Variants in WWOX observed in about 807,000 individuals in gnomAD.
WWOX encodes WW domain-containing oxidoreductase.
WWOX carries 69 observed loss-of-function variants against 46.2 expected under a neutral mutation model. That is an observed-to-expected ratio of 1.49 (90% confidence interval 1.23 to 1.82). The LOEUF is 1.82. WWOX is among the 40% of genes most tolerant of loss of function. The probability of loss-of-function intolerance (pLI) is 0.00; values close to 1 mark genes in which losing one functional copy is unlikely to be tolerated. For synonymous variants in WWOX, 359 were observed against 202.6 expected (o/e 1.77, Z -6.56); for missense variants, 919 against 542.6 (o/e 1.69, Z -6.89).
chr16:78,597,207 AGGAGCTGTTGG>A (rs1160955283), intron 8 of WWOX, among the ~76,000 whole-genome samples: 1 of 152,212 alleles, frequency 6.6e-6, no homozygotes, highest in African/African-American at 2.4e-5. Context: ...CAAAGTCCCC[AGGAGCTGTTGG>A]GAAGTCCATA....
chr16:79,090,177 C>G (rs909554637), intron 8 of WWOX: 1 of 151,908 alleles, frequency 6.6e-6, no homozygotes. Context: ...TACTGGAAGG[C>G]CCATAAAAAG....
intron 8 of WWOX, among the ~76,000 whole-genome samples, chr16:78,735,772 C>T (rs1002638373): frequency 6.6e-6 from 1 of 151,968 alleles, no homozygotes; most frequent in African/African-American, 2.4e-5. Context: ...TGACTGAAGG[C>T]CCCTGCCCCC....
chr16:78,716,270 C>T (rs1273368167), intron 8 of WWOX, among the ~76,000 whole-genome samples: 2 of 152,034 alleles, frequency 1.3e-5, no homozygotes, highest in Admixed American at 6.6e-5. Context: ...CTGGGACTGC[C>T]AGAAGCTCCT....
chr16:78,439,943 G>A (rs1477077888), intron 8 of WWOX, among the ~76,000 whole-genome samples: 3 of 152,188 alleles, frequency 2.0e-5, no homozygotes, highest in Non-Finnish European at 4.4e-5. Flanking sequence ...CCTTTATCAA[G>A]AGACAGAGCA....
At chr16:78,132,937 G>A (rs1295892681) in intron 4 of WWOX, among the ~76,000 whole-genome samples, 1 of 152,182 alleles carries the variant, frequency 6.6e-6, no homozygotes, top group African/African-American at 2.4e-5. Flanking sequence ...ACATGAAGTA[G>A]AGAATCGTCA....
intron 8 of WWOX, among the ~76,000 whole-genome samples, chr16:78,728,764 G>C (rs759328027): frequency 2.6e-5 from 4 of 152,144 alleles, no homozygotes; most frequent in Admixed American, 2.6e-4. Context: ...TCCTTGTAAA[G>C]AGAGTTAAGT....
intron 8 of WWOX, among the ~76,000 whole-genome samples, chr16:79,185,089 A>C (rs1286484864): frequency 1.3e-5 from 2 of 152,164 alleles, no homozygotes; most frequent in Non-Finnish European, 2.9e-5. Flanking sequence ...GATAAGAAAA[A>C]CTGTGGATGA....
chr16:78,952,537 C>T (rs1033122107), intron 8 of WWOX, among the ~76,000 whole-genome samples: 3 of 152,024 alleles, frequency 2.0e-5, no homozygotes, highest in African/African-American at 4.8e-5. Flanking sequence ...CATGTACCAG[C>T]ACACCTGGCT....
chr16:78,476,731 C>T (rs995410560), intron 8 of WWOX, among the ~76,000 whole-genome samples: 1 of 152,170 alleles, frequency 6.6e-6, no homozygotes, highest in African/African-American at 2.4e-5. Context: ...ATTGCTTCTT[C>T]AGTTGAAGAC....
intron 8 of WWOX, among the ~76,000 whole-genome samples, chr16:78,494,060 G>C (rs923388846): frequency 6.6e-6 from 1 of 152,120 alleles, no homozygotes. Flanking sequence ...TCTGCCTCTC[G>C]GGAGGCCTCA....
At chr16:78,353,693 A>G (rs1489209376) in intron 5 of WWOX, among the ~76,000 whole-genome samples, 1 of 152,378 alleles carries the variant, frequency 6.6e-6, no homozygotes, top group South Asian at 2.1e-4. Flanking sequence ...GAAGAACTGC[A>G]GTCTGTGGCT....
chr16:78,772,672 G>A (rs1297378022), intron 8 of WWOX, among the ~76,000 whole-genome samples: 1 of 152,176 alleles, frequency 6.6e-6, no homozygotes, highest in Non-Finnish European at 1.5e-5. Context: ...AGCCACTGGG[G>A]CATAGGCATA....
intron 8 of WWOX, among the ~76,000 whole-genome samples, chr16:78,853,322 G>C (rs2052493425): frequency 6.6e-6 from 1 of 152,126 alleles, no homozygotes; most frequent in Admixed American, 6.5e-5. Context: ...CTGGGTTCAA[G>C]CAATTCTTCT....
intron 6 of WWOX, among the ~76,000 whole-genome samples, chr16:78,407,256 A>T (rs749250401): frequency 6.6e-6 from 1 of 152,152 alleles, no homozygotes; most frequent in African/African-American, 2.4e-5. Context: ...GGCCCTTTCT[A>T]TTGAATTTCA....
chr16:78,675,838 TA>T (rs747763985), intron 8 of WWOX, among the ~76,000 whole-genome samples: 27 of 152,084 alleles, frequency 1.8e-4, no homozygotes, highest in Admixed American at 3.3e-4. Flanking sequence ...AAAATATATA[TA>T]TTTTTTTAAA....
intron 8 of WWOX, among the ~76,000 whole-genome samples, chr16:79,038,497 G>A (rs1454654386): frequency 6.6e-6 from 1 of 152,128 alleles, no homozygotes; most frequent in Non-Finnish European, 1.5e-5. Flanking sequence ...GTTTATGAGT[G>A]TTCTAATTAT....
intron 5 of WWOX, among the ~76,000 whole-genome samples, chr16:78,307,916 T>C (rs933633867): frequency 3.9e-5 from 6 of 152,184 alleles, no homozygotes; most frequent in African/African-American, 1.2e-4. Context: ...ACAGTTTCAA[T>C]TGTGGTTAAG....
intron 8 of WWOX, among the ~76,000 whole-genome samples, chr16:78,448,372 T>G (rs777105994): frequency 1.3e-5 from 2 of 152,192 alleles, no homozygotes; most frequent in African/African-American, 2.4e-5. Flanking sequence ...ACAATGCACA[T>G]TCATTATTTT....
chr16:78,357,988 C>T (rs9935514), intron 5 of WWOX, among the ~76,000 whole-genome samples: 11,571 of 152,124 alleles, frequency 0.076, 830 homozygotes, highest in Admixed American at 0.2. Flanking sequence ...GACCTGTTGC[C>T]GGAGATGTGG....
Sources: allele counts gnomAD v4.1 joint callset (sites outside exome capture counted in the v4.1 genomes callset), GRCh38; gene constraint gnomAD v4.1.1; transcripts MANE v1.5; gene names NCBI Gene and HGNC (gene_info 2026-07-23, HGNC 2026-07-21).